Variants in SEMA3B observed in about 807,000 individuals in gnomAD.
The protein encoded by SEMA3B is semaphorin-3B.
SEMA3B carries 71 observed loss-of-function variants against 77.8 expected under a neutral mutation model. The observed-to-expected ratio is 0.91, with a 90% CI of 0.75 to 1.11. The LOEUF (loss-of-function observed/expected upper bound fraction) is 1.11. SEMA3B is among the 50% of genes most tolerant of loss of function. The pLI is 0.00. For missense variants in SEMA3B, 968 were observed against 1,056.8 expected, an observed-to-expected ratio of 0.92 and a Z score of 1.17; for synonymous variants, 470 against 452.9, an observed-to-expected ratio of 1.04 and a Z score of -0.48.
At position 50,276,085 on chromosome 3, in the gene SEMA3B, AC is replaced by A; in HGVS notation, c.1846-211del. 1.3e-5 allele frequency: 9 copies of A among 689,474 alleles called. No homozygotes were observed. Among genetic ancestry groups the A allele is most frequent in the Admixed American group, 3.9e-5 (1 of 25,904 alleles). The allele number at this position is 689,474 out of a possible 1,614,324, so 42.7% of individuals were successfully genotyped here. ...GACCCTCCCATTAAGGTCCCTGACC[AC>A]CCCCCACCAAGTTCATGTAAACCCC... On this transcript the variant is annotated intron_variant, in intron 16 of 16. Coordinates refer to ENST00000616701, the MANE Select transcript of SEMA3B (RefSeq NM_001290060.2). This position sits in a 1 kb window ranked among gnomAD's most constrained non-coding sequence, Gnocchi z 5.8.
Position 50,276,231 on chromosome 3 carries a change from G to A in SEMA3B, c.1846-71G>A. The A allele has an allele frequency of 7.0e-7, 1 of 1,422,406 alleles. No homozygotes were observed. Among genetic ancestry groups the A allele is most frequent in the South Asian group, 1.5e-5 (1 of 67,464 alleles). The allele number at this position is 1,422,406 out of a possible 1,614,324, so 88.1% of individuals were successfully genotyped here. A position where few individuals can be genotyped will look rare whatever the true frequency, so the allele number is the denominator to read the frequency against. On this transcript the variant is annotated intron_variant, in intron 16 of 16. Transcript: ENST00000616701. The surrounding 1 kb of genome is among the most constrained non-coding windows in gnomAD (Gnocchi z 5.8). ...CTCCCAATGACTCTTTGCTTCTTCC[G>A]TCGCGTGCTAGGGCCCGGAAGCCCT... is the stretch of plus-strand genomic sequence containing the variant.
In SEMA3B at chr3:50,273,063, C is replaced by CA; in HGVS notation, c.665-235_665-234insA. The CA allele has an allele frequency of 1.8e-6, 1 of 566,128 alleles. No individual in the cohort carries two copies. Among genetic ancestry groups the CA allele is most frequent in the Non-Finnish European group, 3.0e-6 (1 of 336,134 alleles). 35.1% of individuals were successfully genotyped at this position (566,128 alleles called of 1,614,324 possible). ...GCTAGCCGGGCTTCACGCCTGCGCC[C>CA]CCAGGTAGCCACGGTCTCTGCTGCC... On this transcript the variant is annotated intron_variant, in intron 6 of 16. Transcript: ENST00000616701. This position sits in a 1 kb window ranked among gnomAD's most constrained non-coding sequence, Gnocchi z 6.5.
Position 50,271,187 on chromosome 3 carries a change from TCCAAGGGCTAAGG to T in SEMA3B, c.544+9_544+21del. On this transcript the variant is annotated splice_region_variant and intron_variant, in intron 5 of 16. Coordinates refer to ENST00000616701, the MANE Select transcript of SEMA3B (RefSeq NM_001290060.2). ...GGCTGCCTCCGTGCTGGTGGGTGAG[TCCAAGGGCTAAGG>T]CCCCAAGAGAACCCCTTAGAAACTC... The T allele has an allele frequency of 6.4e-7, 1 of 1,563,994 alleles. No homozygotes were observed. Among genetic ancestry groups the T allele is most frequent in the Non-Finnish European group, 8.7e-7 (1 of 1,154,532 alleles).
rs782478702 is a variant in SEMA3B at position 50,275,447 on chromosome 3, C to G, written c.1637C>G (p.Pro546Arg). 6.2e-7 allele frequency: 1 copy of G among 1,607,804 alleles called. No individual in the cohort carries two copies. Among genetic ancestry groups the G allele is most frequent in the East Asian group, 2.2e-5 (1 of 44,668 alleles). The change falls in exon 14 of 17, where the codon CCC (proline) becomes CGC (arginine). Residue 546 changes from proline to arginine, a missense_variant. By Grantham distance (103) the Pro-to-Arg change is moderately radical. Coordinates refer to ENST00000616701, the MANE Select transcript of SEMA3B (RefSeq NM_001290060.2). The surrounding 1 kb of genome is among the most constrained non-coding windows in gnomAD (Gnocchi z 7.5). ...GGGGTCGCGTGCACGCGCTTCCAGC[C>G]CAGTGCCAAGAGGTGGGCGGGGTCG... ...WDGVACTRFQ[P>R]SAKRRFRRQD...
chr3:50,272,340 G>A (rs1008566398), intron 6 of SEMA3B, among the ~76,000 whole-genome samples: 12 of 152,052 alleles, frequency 7.9e-5, no homozygotes, highest in Middle Eastern at 3.4e-3. Flanking sequence ...TTTGGGAGGC[G>A]GAGGCAGGCA....
Position 50,276,397 on chromosome 3 carries a change from C to T in SEMA3B, c.1941C>T (p.Val647=). The T allele has an allele frequency of 1.3e-6, 2 of 1,536,510 alleles. No homozygotes were observed. Among genetic ancestry groups the T allele is most frequent in the Non-Finnish European group, 1.7e-6 (2 of 1,145,806 alleles). The change falls in exon 17 of 17, where the codon GTC becomes GTT. Residue 647 remains valine, a synonymous_variant. Transcript: ENST00000616701. The surrounding 1 kb of genome is among the most constrained non-coding windows in gnomAD (Gnocchi z 5.8). The part of the protein sequence containing the change: ...RDSGVYLCAA[V]EQGFTQPLRR... The stretch of plus-strand genomic sequence containing the variant: ...CGGGCGTGTACTTGTGCGCCGCCGT[C>T]GAGCAGGGCTTTACGCAACCGCTGC...
chr3:50,268,189 T>C (rs1342623170), upstream of SEMA3B, among the ~76,000 whole-genome samples: 1 of 152,178 alleles, frequency 6.6e-6, no homozygotes, highest in African/African-American at 2.4e-5. Flanking sequence ...CTTTGATTCC[T>C]CAGGGGTGTG....
At position 50,273,661 on chromosome 3, in the gene SEMA3B, G is replaced by A; in HGVS notation, c.922+15G>A. On this transcript the variant is annotated intron_variant, in intron 8 of 16. Transcript: ENST00000616701. The surrounding 1 kb of genome is among the most constrained non-coding windows in gnomAD (Gnocchi z 6.5). Reference sequence around the variant, plus strand: ...CGATCAGCTCCGTGAGTGCGGGAGTGGGTATGGGGTTGGGGAGGGGGGCAG... The same window carrying A: ...CGATCAGCTCCGTGAGTGCGGGAGTAGGTATGGGGTTGGGGAGGGGGGCAG... 6.2e-7 allele frequency: 1 copy of A among 1,607,052 alleles called. No individual in the cohort carries two copies. Among genetic ancestry groups the A allele is most frequent in the Non-Finnish European group, 8.5e-7 (1 of 1,178,406 alleles).
Position 50,276,325 on chromosome 3 carries a change from G to C in SEMA3B, c.1869G>C (p.Glu623Asp), listed in dbSNP as rs115642789. 169 of 1,524,400 alleles carry C rather than the reference G, an allele frequency of 1.1e-4. No homozygotes were observed. The African/African-American group carries it at 2.0e-3, about 18-fold the overall frequency. The allele number at this position is 1,524,400 out of a possible 1,614,324, so 94.4% of individuals were successfully genotyped here. A position where few individuals can be genotyped will look rare whatever the true frequency, so the allele number is the denominator to read the frequency against. The change falls in exon 17 of 17, where the codon GAG (glutamate) becomes GAC (aspartate). Residue 623 changes from glutamate to aspartate, a missense_variant. Transcript: ENST00000616701. The surrounding 1 kb of genome is among the most constrained non-coding windows in gnomAD (Gnocchi z 5.8). ...AGGTGCTGGCAGAGGAGCGCACCGAGCGCACCGCCCGGGGACTACTGCTGC... is the reference window on the plus strand; with the variant it reads ...AGGTGCTGGCAGAGGAGCGCACCGACCGCACCGCCCGGGGACTACTGCTGC... ...HTQVLAEERT[E>D]RTARGLLLRR... is the part of the protein sequence containing the mutation.
In SEMA3B at chr3:50,271,152, C is replaced by T. The variant is rs1269647999; in HGVS notation, c.515C>T (p.Pro172Leu). ...GGCAAGGGGAAGAGTCCTTATGACC[C>T]CAGGCATCGGGCTGCCTCCGTGCTG... ...EDGKGKSPYD[P>L]RHRAASVLVG... Residue 172 changes from proline to leucine, a missense_variant, in exon 5 of 17, where the codon CCC becomes CTC. Transcript: ENST00000616701. 1 of 1,582,480 alleles carries T rather than the reference C, an allele frequency of 6.3e-7. No homozygotes were observed. Among genetic ancestry groups the T allele is most frequent in the African/African-American group, 1.3e-5 (1 of 74,390 alleles).
rs587671775 is a variant in SEMA3B at position 50,276,326 on chromosome 3, C to T, written c.1870C>T (p.Arg624Cys). 3 of 1,523,770 alleles carry T rather than the reference C, an allele frequency of 2.0e-6. No individual in the cohort carries two copies. Among genetic ancestry groups the T allele is most frequent in the Admixed American group, 2.0e-5 (1 of 50,074 alleles). 94.4% of individuals were successfully genotyped at this position (1,523,770 alleles called of 1,614,324 possible). ...GGTGCTGGCAGAGGAGCGCACCGAG[C>T]GCACCGCCCGGGGACTACTGCTGCG... ...TQVLAEERTERTARGLLLRRL... is the reference protein window; with the variant it reads ...TQVLAEERTECTARGLLLRRL... Residue 624 changes from arginine to cysteine, a missense_variant, in exon 17 of 17, where the codon CGC (arginine) becomes TGC (cysteine). Arg to Cys is a radical substitution (Grantham distance 180). Coordinates refer to ENST00000616701, the MANE Select transcript of SEMA3B (RefSeq NM_001290060.2). The surrounding 1 kb of genome is among the most constrained non-coding windows in gnomAD (Gnocchi z 5.8).
At position 50,272,879 on chromosome 3, in the gene SEMA3B, T is replaced by TAATAATAATAATAATAATAATAAAAAA. The variant is rs797032591; in HGVS notation, c.665-417_665-416insTAATAATAATAATAATAATAAAAAAAA. Among the ~76,000 whole-genome samples, 9 of 150,070 alleles carry TAATAATAATAATAATAATAATAAAAAA rather than the reference T, an allele frequency of 6.0e-5. No individual in the cohort carries two copies. The East Asian group carries it at 1.2e-3, about 20-fold the overall frequency. ...CAAATAATAATAATAATAATAATAA[T>TAATAATAATAATAATAATAATAAAAAA]AAAGAGCAATGGGACCCAGCAGAAG... On this transcript the variant is annotated intron_variant, in intron 6 of 16. Transcript: ENST00000616701.
rs1482241569 is a variant in SEMA3B, at chr3:50,271,469, G to T, written c.653G>T (p.Arg218Leu). 8.3e-6 allele frequency: 13 copies of T among 1,565,530 alleles called. No homozygotes were observed. The highest frequency in any genetic ancestry group is 1.1e-5 in the Non-Finnish European group (13 of 1,155,170). Residue 218 changes from arginine (R) to leucine (L), a missense_variant, in exon 6 of 17, where the codon CGC becomes CTC. By Grantham distance (102) the Arg-to-Leu change is moderately radical. Transcript: ENST00000616701. ...PSLRTEPHDSRWLNEPKFVKV... is the reference protein window; with the variant it reads ...PSLRTEPHDSLWLNEPKFVKV... Reference sequence around the variant, plus strand: ...CTCCGAACAGAGCCACACGACTCCCGCTGGCTCAATGGTGAGAGGCTGGTG... The same window carrying T: ...CTCCGAACAGAGCCACACGACTCCCTCTGGCTCAATGGTGAGAGGCTGGTG...
rs587614245 is a variant in SEMA3B at position 50,275,500 on chromosome 3, G to A, written c.1649+41G>A. ...GTTGGGCCGCCGGGAGGGAGGCGAA[G>A]GGTCTTTCACTGCCCGGGGCTGAAA... On this transcript the variant is annotated intron_variant, in intron 14 of 16. Coordinates refer to ENST00000616701, the MANE Select transcript of SEMA3B (RefSeq NM_001290060.2). The surrounding 1 kb of genome is among the most constrained non-coding windows in gnomAD (Gnocchi z 7.5). The A allele has an allele frequency of 1.9e-6, 3 of 1,609,416 alleles. No individual in the cohort carries two copies. The highest frequency in any genetic ancestry group is 1.1e-5 in the South Asian group (1 of 91,030).
Position 50,270,613 on chromosome 3 carries a change from G to A in SEMA3B, c.330+118G>A. The A allele has an allele frequency of 7.1e-7, 1 of 1,416,044 alleles. No homozygotes were observed. The allele number at this position is 1,416,044 out of a possible 1,614,324, so 87.7% of individuals were successfully genotyped here. A position where few individuals can be genotyped will look rare whatever the true frequency, so the allele number is the denominator to read the frequency against. On this transcript the variant is annotated intron_variant, in intron 3 of 16. Coordinates refer to ENST00000616701, the MANE Select transcript of SEMA3B (RefSeq NM_001290060.2). This position sits in a 1 kb window ranked among gnomAD's most constrained non-coding sequence, Gnocchi z 4.7. ...CTGGGATGAGGGCAGGGAGGTCGAG[G>A]TGGCTGAGGTCTGGGGGTGGTGAGT...
Position 50,276,116 on chromosome 3 carries a change from C to A in SEMA3B, c.1846-186C>A. 1.1e-6 allele frequency: 1 copy of A among 879,318 alleles called. No individual in the cohort carries two copies. The highest frequency in any genetic ancestry group is 1.7e-6 in the Non-Finnish European group (1 of 605,134). 54.5% of individuals were successfully genotyped at this position (879,318 alleles called of 1,614,324 possible). A position where few individuals can be genotyped will look rare whatever the true frequency, so the allele number is the denominator to read the frequency against. On this transcript the variant is annotated intron_variant, in intron 16 of 16. Transcript: ENST00000616701. The surrounding 1 kb of genome is among the most constrained non-coding windows in gnomAD (Gnocchi z 5.8). Reference sequence around the variant, plus strand: ...CACCAAGTTCATGTAAACCCCGCCTCTTTCGGATTCTCCCTTGAAGACCAC... The same window carrying A: ...CACCAAGTTCATGTAAACCCCGCCTATTTCGGATTCTCCCTTGAAGACCAC...
upstream of SEMA3B, among the ~76,000 whole-genome samples, chr3:50,264,865 G>T (rs587736463): frequency 7.2e-5 from 11 of 152,174 alleles, no homozygotes; most frequent in African/African-American, 4.8e-5. Context: ...TGGTTGGGGG[G>T]GCTCCCGCAT....
chr3:50,271,594 C>T, intron 6 of SEMA3B, 114 bp downstream of exon 6: 1 of 1,432,838 alleles, frequency 7.0e-7, no homozygotes, highest in Non-Finnish European at 9.4e-7. Flanking sequence ...TACCAAATAC[C>T]CTCCTTAATC....
chr3:50,270,040 C>T lies in SEMA3B; in HGVS notation c.110-87C>T. The T allele has an allele frequency of 7.1e-7, 1 of 1,399,550 alleles. No individual in the cohort carries two copies. Among genetic ancestry groups the T allele is most frequent in the East Asian group, 2.5e-5 (1 of 39,872 alleles). The allele number at this position is 1,399,550 out of a possible 1,614,324, so 86.7% of individuals were successfully genotyped here. A position where few individuals can be genotyped will look rare whatever the true frequency, so the allele number is the denominator to read the frequency against. On this transcript the variant is annotated intron_variant, in intron 1 of 16. Coordinates refer to ENST00000616701, the MANE Select transcript of SEMA3B (RefSeq NM_001290060.2). This position sits in a 1 kb window ranked among gnomAD's most constrained non-coding sequence, Gnocchi z 4.7. ...TGTACAGGCCAGGTCCTAATGGCAA[C>T]CTTGGCCGATAGAGTCACCACCAGG...
Sources: allele counts gnomAD v4.1 joint callset (sites outside exome capture counted in the v4.1 genomes callset), GRCh38; gene constraint gnomAD v4.1.1; non-coding constraint Gnocchi (gnomAD v3.1); transcripts MANE v1.5; gene names NCBI Gene and HGNC (gene_info 2026-07-23, HGNC 2026-07-21).